The following PLEK variants were observed in gnomAD, a reference collection of about 807,000 sequenced individuals.
PLEK encodes the protein pleckstrin, also known as platelet 47 kDa protein.
PLEK carries 25 observed loss-of-function variants against 43.9 expected under a neutral mutation model. That is an observed-to-expected ratio of 0.57 (90% CI 0.41 to 0.79). The LOEUF (loss-of-function observed/expected upper bound fraction) is 0.79. Ranked by LOEUF, PLEK falls within the 30% of genes least tolerant of loss-of-function variation. The pLI is 0.00. For synonymous variants in PLEK, 152 were observed against 144.4 expected (o/e 1.05, Z -0.38); for missense variants, 396 against 413.3 (o/e 0.96, Z 0.36).
chr2:68,365,757 T>A (rs542277680), intron 1 of PLEK, among the ~76,000 whole-genome samples: 2 of 152,188 alleles, frequency 1.3e-5, no homozygotes, highest in Non-Finnish European at 2.9e-5. Context: ...GGACTATTCA[T>A]TTTTTATTTA....
chr2:68,376,875 C>T (rs757949245), intron 1 of PLEK, among the ~76,000 whole-genome samples: 4 of 152,088 alleles, frequency 2.6e-5, no homozygotes, highest in Non-Finnish European at 4.4e-5. Flanking sequence ...TTTCTGTTTT[C>T]TTGTTTTTGG....
At chr2:68,387,059 G>A (rs1399802877) in intron 5 of PLEK, among the ~76,000 whole-genome samples, 1 of 152,094 alleles carries the variant, frequency 6.6e-6, no homozygotes, top group East Asian at 1.9e-4. Flanking sequence ...AGGCTGGAGT[G>A]CAGTGGTGTC....
intron 4 of PLEK, among the ~76,000 whole-genome samples, chr2:68,382,951 G>C (rs1673660059): frequency 6.6e-6 from 1 of 152,182 alleles, no homozygotes; most frequent in South Asian, 2.1e-4. Flanking sequence ...TGGATAAGAT[G>C]CAACCCTTAC....
chr2:68,397,345 A>G lies in PLEK; in HGVS notation c.*1529A>G, dbSNP rs1225077055. On this transcript the variant is annotated 3_prime_UTR_variant, in exon 9 of 9. Transcript: ENST00000234313. ...GTCTTTTTCTCTGATTCTTTAATAAATTATCTTTATAGAATATGCACAAGT... is the reference window on the plus strand; with the variant it reads ...GTCTTTTTCTCTGATTCTTTAATAAGTTATCTTTATAGAATATGCACAAGT... 1 of 152,210 alleles carries G rather than the reference A, an allele frequency of 6.6e-6. No individual in the cohort carries two copies. Among genetic ancestry groups the G allele is most frequent in the South Asian group, 2.1e-4 (1 of 4,834 alleles). 9.4% of individuals were successfully genotyped at this position (152,210 alleles called of 1,614,324 possible).
intron 1 of PLEK, among the ~76,000 whole-genome samples, chr2:68,372,330 C>T (rs1163174994): frequency 6.6e-6 from 1 of 152,024 alleles, no homozygotes; most frequent in Non-Finnish European, 1.5e-5. Flanking sequence ...TGCATCACCA[C>T]ACCCAGCTAA....
intron 4 of PLEK, among the ~76,000 whole-genome samples, chr2:68,384,335 G>A (rs556899726): frequency 5.9e-5 from 9 of 151,996 alleles, no homozygotes; most frequent in South Asian, 2.1e-4. Flanking sequence ...CGTGATTCTC[G>A]TGCCTCAGCC....
At chr2:68,393,317 C>A in intron 7 of PLEK, 72 bp downstream of exon 7, 2 of 1,000,532 alleles carry the variant, frequency 2.0e-6, no homozygotes, top group Non-Finnish European at 3.2e-6. Flanking sequence ...GCTTCCTATT[C>A]CCCTCTCTAC....
intron 4 of PLEK, among the ~76,000 whole-genome samples, chr2:68,383,376 T>G (rs1673669049): frequency 1.3e-5 from 2 of 151,940 alleles, no homozygotes; most frequent in South Asian, 4.2e-4. Context: ...AACTCAGGGG[T>G]TGATGGGATG....
chr2:68,376,816 T>C (rs562427829), intron 1 of PLEK, among the ~76,000 whole-genome samples: 1 of 152,290 alleles, frequency 6.6e-6, no homozygotes, highest in South Asian at 2.1e-4. Flanking sequence ...ACAATTAAGT[T>C]GGCAATAGTC....
intron 1 of PLEK, among the ~76,000 whole-genome samples, chr2:68,375,109 C>T (rs562132429): frequency 1.3e-5 from 2 of 152,236 alleles, no homozygotes; most frequent in East Asian, 1.9e-4. Flanking sequence ...ATAAAACCAC[C>T]AGATATTTTT....
intron 5 of PLEK, 54 bp from the exon 6 acceptor site, chr2:68,388,333 G>T (rs1294104855): frequency 3.0e-6 from 3 of 1,015,444 alleles, no homozygotes; most frequent in Non-Finnish European, 4.7e-6. Context: ...GATGGCACAA[G>T]TTGCAATGTG....
rs1251862089 is a variant in PLEK at position 68,395,988 on chromosome 2, T to C, written c.*172T>C. On this transcript the variant is annotated 3_prime_UTR_variant, in exon 9 of 9. Transcript: ENST00000234313. ...ATGTGGTGTGCAAGGTTCCCCTGCA[T>C]TGTATTGCTCACTGCAGCCCCTCTG... The C allele has an allele frequency of 9.5e-6, 6 of 629,636 alleles. No individual in the cohort carries two copies. Among genetic ancestry groups the C allele is most frequent in the Non-Finnish European group, 1.7e-5 (6 of 348,082 alleles). The allele number at this position is 629,636 out of a possible 1,614,324, so 39.0% of individuals were successfully genotyped here. A position where few individuals can be genotyped will look rare whatever the true frequency, so the allele number is the denominator to read the frequency against.
At chr2:68,395,201 A>T (rs1173653189) in intron 8 of PLEK, among the ~76,000 whole-genome samples, 8 of 150,422 alleles carry the variant, frequency 5.3e-5, no homozygotes, top group African/African-American at 1.9e-4. Context: ...ATACACACAC[A>T]CATCTGTATT....
At chr2:68,383,636 TGACGGTTCATCAGGGG>T (rs953716994) in intron 4 of PLEK, among the ~76,000 whole-genome samples, 2 of 152,296 alleles carry the variant, frequency 1.3e-5, no homozygotes, top group African/African-American at 4.8e-5. Context: ...CTAGTAGGGC[TGACGGTTCATCAGGGG>T]GAGCAAAATG....
chr2:68,376,398 T>C (rs10210193), intron 1 of PLEK, among the ~76,000 whole-genome samples: 55,008 of 151,944 alleles, frequency 0.36, 10,958 homozygotes, highest in East Asian at 0.73. Flanking sequence ...CAGTCCTCCT[T>C]TCCCCTGAAG....
At chr2:68,388,865 C>T (rs1673803611) in intron 6 of PLEK, among the ~76,000 whole-genome samples, 1 of 152,070 alleles carries the variant, frequency 6.6e-6, no homozygotes, top group African/African-American at 2.4e-5. Context: ...TTCAAAGCAA[C>T]CAGGAAAACA....
chr2:68,379,109 G>T (rs972695737), intron 1 of PLEK, among the ~76,000 whole-genome samples: 1 of 152,148 alleles, frequency 6.6e-6, no homozygotes, highest in Non-Finnish European at 1.5e-5. Context: ...ACTCCAGCCT[G>T]GGTGACAGAG....
rs1673587635 is a variant in PLEK at position 68,380,330 on chromosome 2, G to A, written c.45G>A (p.Gly15=). The A allele has an allele frequency of 2.5e-6, 4 of 1,611,880 alleles. No homozygotes were observed. Among genetic ancestry groups the A allele is most frequent in the Non-Finnish European group, 3.4e-6 (4 of 1,178,472 alleles). Residue 15 remains glycine (G), a splice_region_variant and synonymous_variant, in exon 2 of 9, where the codon GGG becomes GGA. Transcript: ENST00000234313. ...AGCTCTTTTGGTTGTCATTACAGGG[G>A]AGCGTGTTCAATACGTGGAAACCCA... ...RIREGYLVKK[G]SVFNTWKPMW...
chr2:68,385,126 CT>C (rs1232490611), intron 4 of PLEK, among the ~76,000 whole-genome samples: 1 of 152,122 alleles, frequency 6.6e-6, no homozygotes, highest in Non-Finnish European at 1.5e-5. Context: ...TTATTTTTAT[CT>C]TTTTTAATTG....
Sources: gnomAD v4.1 joint callset for allele counts (sites outside exome capture counted in the v4.1 genomes callset) on GRCh38, gnomAD v4.1.1 for gene constraint, MANE v1.5 for transcripts, NCBI Gene and HGNC (gene_info 2026-07-23, HGNC 2026-07-21) for gene names.